ADAMTS3: variants seen among roughly 807,000 people sequenced by gnomAD.
The protein encoded by ADAMTS3 is ADAM metallopeptidase with thrombospondin type 1 motif 3, also known as A disintegrin and metalloproteinase with thrombospondin motifs 3.
A neutral mutation model predicts 129.0 loss-of-function variants in ADAMTS3; 73 were observed. The ratio of observed to expected loss-of-function variants is 0.57; its 90% CI spans 0.47 to 0.69. The LOEUF (loss-of-function observed/expected upper bound fraction) is 0.69. Among genes scored for constraint, ADAMTS3 ranks in the 30% least tolerant of loss-of-function variants. The pLI, the probability that ADAMTS3 is intolerant of heterozygous loss-of-function variation, is 0.00. For missense variants in ADAMTS3, 1,457 were observed against 1,514.5 expected, an observed-to-expected ratio of 0.96 and a Z score of 0.63; for synonymous variants, 477 against 510.8, an observed-to-expected ratio of 0.93 and a Z score of 0.89.
intron 3 of ADAMTS3, among the ~76,000 whole-genome samples, chr4:72,422,276 T>C (rs757384478): frequency 2.6e-5 from 4 of 152,002 alleles, no homozygotes; most frequent in African/African-American, 9.7e-5. Flanking sequence ...TCTCAATTAA[T>C]TGGCATACAA....
At chr4:72,376,322 G>A (rs1357685207) in intron 4 of ADAMTS3, among the ~76,000 whole-genome samples, 6 of 152,140 alleles carry the variant, frequency 3.9e-5, no homozygotes, top group East Asian at 3.9e-4. Context: ...TTCATACGGC[G>A]GAAAGGTAGG....
At position 72,530,225 on chromosome 4, in the gene ADAMTS3, TATTA is replaced by T. The variant is rs1463808919; in HGVS notation, c.504+18249_504+18252del. On this transcript the variant is annotated intron_variant, in intron 3 of 21. Coordinates refer to ENST00000286657, the MANE Select transcript of ADAMTS3 (RefSeq NM_014243.3). ...AACATATGTTATTTTAATATATATATATTATATATATTAAATATATATAATATAT... is the reference window on the plus strand; with the variant it reads ...AACATATGTTATTTTAATATATATATTATATATTAAATATATATAATATAT... Among the ~76,000 whole-genome samples, 149 of 78,596 alleles carry T rather than the reference TATTA, an allele frequency of 1.9e-3. 3 individuals are homozygous for T. Among genetic ancestry groups the T allele is most frequent in the Middle Eastern group, 0.015 (1 of 66 alleles). 51.6% of individuals were successfully genotyped at this position (78,596 alleles called of 152,430 possible). A position where few individuals can be genotyped will look rare whatever the true frequency, so the allele number is the denominator to read the frequency against.
At chr4:72,480,062 T>C (rs1330727724) in intron 3 of ADAMTS3, among the ~76,000 whole-genome samples, 2 of 152,104 alleles carry the variant, frequency 1.3e-5, no homozygotes, top group African/African-American at 4.8e-5. Flanking sequence ...CTAGAGAGGA[T>C]GTGGAGAAAT....
chr4:72,462,620 G>A (rs1718801825), intron 3 of ADAMTS3, among the ~76,000 whole-genome samples: 1 of 151,856 alleles, frequency 6.6e-6, no homozygotes. Context: ...CATGTAGGCC[G>A]AGGCTAGTGA....
intron 17 of ADAMTS3, among the ~76,000 whole-genome samples, chr4:72,298,720 A>T (rs1718873027): frequency 6.6e-6 from 1 of 151,892 alleles, no homozygotes; most frequent in Non-Finnish European, 1.5e-5. Flanking sequence ...TATAAGGTTC[A>T]CTGTAGGTTT....
chr4:72,313,636 G>T (rs751289774), intron 12 of ADAMTS3, 41 bp downstream of exon 12: 17 of 1,598,354 alleles, frequency 1.1e-5, no homozygotes, highest in Non-Finnish European at 1.4e-5. Flanking sequence ...AGTATTTTCT[G>T]GTCTCTCCAA....
chr4:72,517,341 C>T (rs1362580887), intron 3 of ADAMTS3, among the ~76,000 whole-genome samples: 2 of 152,148 alleles, frequency 1.3e-5, no homozygotes, highest in Admixed American at 6.5e-5. Flanking sequence ...CAGGATGATG[C>T]TGGCCTCATA....
intron 3 of ADAMTS3, among the ~76,000 whole-genome samples, chr4:72,482,568 T>A (rs1472409411): frequency 6.6e-6 from 1 of 152,120 alleles, no homozygotes; most frequent in South Asian, 2.1e-4. Flanking sequence ...GAAAGCCTTT[T>A]AGTCATGTAA....
At position 72,432,368 on chromosome 4, in the gene ADAMTS3, G is replaced by A. The variant is rs757952601; in HGVS notation, c.505-17397C>T. ...ACAGTACCGGTATCTGCTCCCCTCC[G>A]ACTGCTCTTCCACATACCTAGCTCT... On this transcript the variant is annotated intron_variant, in intron 3 of 21. Transcript: ENST00000286657. Among the ~76,000 whole-genome samples, 6 of 151,812 alleles carry A rather than the reference G, an allele frequency of 4.0e-5. No homozygotes were observed. The South Asian group carries it at 6.3e-4, about 16-fold the overall frequency.
chr4:72,375,912 G>A (rs1721123271), intron 4 of ADAMTS3, among the ~76,000 whole-genome samples: 1 of 152,124 alleles, frequency 6.6e-6, no homozygotes, highest in African/African-American at 2.4e-5. Context: ...GCATTATGTG[G>A]AATAAAATTC....
intron 3 of ADAMTS3, among the ~76,000 whole-genome samples, chr4:72,455,750 C>T (rs1560521844): frequency 7.1e-6 from 1 of 140,638 alleles, no homozygotes; most frequent in South Asian, 2.2e-4. Context: ...CAATTTTTTT[C>T]TCAGACTAAA....
chr4:72,525,496 T>C (rs572899814), intron 3 of ADAMTS3, among the ~76,000 whole-genome samples: 17 of 152,322 alleles, frequency 1.1e-4, no homozygotes, highest in Admixed American at 3.9e-4. Flanking sequence ...TTGATAGAAC[T>C]GACACTTAAA....
intron 4 of ADAMTS3, among the ~76,000 whole-genome samples, chr4:72,375,462 G>A (rs1721113063): frequency 6.6e-6 from 1 of 152,158 alleles, no homozygotes; most frequent in Non-Finnish European, 1.5e-5. Context: ...GCTTAAATGA[G>A]TAACTGCACA....
intron 4 of ADAMTS3, among the ~76,000 whole-genome samples, chr4:72,384,642 G>A (rs1339297262): frequency 6.6e-6 from 1 of 152,038 alleles, no homozygotes; most frequent in Non-Finnish European, 1.5e-5. Context: ...ATGATGTAAA[G>A]CAGAACTACA....
chr4:72,401,854 A>G (rs1417995079), intron 4 of ADAMTS3, among the ~76,000 whole-genome samples: 6 of 152,144 alleles, frequency 3.9e-5, no homozygotes, highest in Non-Finnish European at 8.8e-5. Context: ...TGCCTTGTAG[A>G]TGAGGAATCG....
At chr4:72,563,521 T>C (rs1262716381) in intron 2 of ADAMTS3, among the ~76,000 whole-genome samples, 3 of 152,124 alleles carry the variant, frequency 2.0e-5, no homozygotes, top group African/African-American at 7.2e-5. Context: ...AAAAAATTAG[T>C]TGGCATTCCA....
intron 3 of ADAMTS3, among the ~76,000 whole-genome samples, chr4:72,421,293 C>A (rs898476493): frequency 2.0e-5 from 3 of 152,216 alleles, no homozygotes; most frequent in African/African-American, 7.2e-5. Context: ...TTTTTCCCTT[C>A]CAGCATGGCT....
chr4:72,484,263 T>C (rs1464985025), intron 3 of ADAMTS3, among the ~76,000 whole-genome samples: 1 of 152,216 alleles, frequency 6.6e-6, no homozygotes, highest in Non-Finnish European at 1.5e-5. Context: ...TTCTAGTTTC[T>C]TATGTGTAAA....
chr4:72,474,853 C>T (rs1158168206), intron 3 of ADAMTS3, among the ~76,000 whole-genome samples: 2 of 151,460 alleles, frequency 1.3e-5, no homozygotes, highest in Non-Finnish European at 2.9e-5. Flanking sequence ...GGTGAAACCC[C>T]GTCTCTACTA....
Sources: allele counts gnomAD v4.1 joint callset (sites outside exome capture counted in the v4.1 genomes callset), GRCh38; gene constraint gnomAD v4.1.1; transcripts MANE v1.5; gene names NCBI Gene and HGNC (gene_info 2026-07-23, HGNC 2026-07-21).